CABIN1: variants seen among roughly 807,000 people sequenced by gnomAD.
CABIN1 encodes calcineurin binding protein 1, also known as calcineurin-binding protein cabin-1.
Under a neutral mutation model 227.7 loss-of-function variants are expected in CABIN1, and 133 were observed. The observed-to-expected ratio is 0.58, with a 90% CI of 0.51 to 0.67. The LOEUF is 0.67. CABIN1 is among the 30% of genes least tolerant of loss of function. The pLI, the probability that CABIN1 is intolerant of heterozygous loss-of-function variation, is 0.00. For missense variants in CABIN1, 2,408 were observed against 2,852.5 expected, an observed-to-expected ratio of 0.84 and a Z score of 3.55; for synonymous variants, 1,086 against 1,155.1, an observed-to-expected ratio of 0.94 and a Z score of 1.21.
At position 24,072,528 on chromosome 22, in the gene CABIN1, G is replaced by A. The variant is rs375664210; in HGVS notation, c.2632+18G>A. The A allele has an allele frequency of 7.9e-5, 127 of 1,613,896 alleles. No individual in the cohort carries two copies. The highest frequency in any genetic ancestry group is 1.1e-4 in the Non-Finnish European group (125 of 1,179,996). On this transcript the variant is annotated intron_variant, in intron 18 of 36. Transcript: ENST00000263119. ...GGAGGAAGGTGCACAGGCAGTGGGT[G>A]CAGTGGGGATGAGCTCTGACTCCCA... is the stretch of plus-strand genomic sequence containing the variant.
chr22:24,087,373 C>G, intron 22 of CABIN1, 79 bp from the exon 23 acceptor site: 1 of 1,580,288 alleles, frequency 6.3e-7, no homozygotes, highest in South Asian at 1.1e-5. Flanking sequence ...GGTCCATCTG[C>G]CTGTCCACTA....
Position 24,076,149 on chromosome 22 carries a change from T to G in CABIN1, c.2633-20T>G, listed in dbSNP as rs761598967. 1.9e-6 allele frequency: 3 copies of G among 1,599,364 alleles called. No individual in the cohort carries two copies. In the South Asian group the frequency reaches 3.3e-5, roughly 18 times the overall value. On this transcript the variant is annotated intron_variant, in intron 18 of 36. Transcript: ENST00000263119. ...GGTTCCCACACTAACTCTGTGTCTG[T>G]CGGCCTGGGCTTTCCCTAGGGATGT...
At position 24,119,580 on chromosome 22, in the gene CABIN1, G is replaced by A. The variant is rs1428169514; in HGVS notation, c.4514G>A (p.Arg1505Gln). The change falls in exon 28 of 37, where the codon CGG becomes CAG. Residue 1505 changes from arginine (R) to glutamine (Q), a missense_variant. Transcript: ENST00000263119. ...QGLPAGAEEQ[R>Q]QFLTEQCIAS... ...CTGCCGGCTGGTGCTGAGGAGCAGCGGCAGTTTCTCACAGAGCAGTGCATC... is the reference window on the plus strand; with the variant it reads ...CTGCCGGCTGGTGCTGAGGAGCAGCAGCAGTTTCTCACAGAGCAGTGCATC... The A allele has an allele frequency of 3.7e-6, 6 of 1,613,382 alleles. No homozygotes were observed. In the African/African-American group the frequency reaches 4.0e-5, roughly 11 times the overall value.
intron 1 of CABIN1, among the ~76,000 whole-genome samples, chr22:24,027,740 A>G (rs1569086382): frequency 6.6e-6 from 1 of 152,204 alleles, no homozygotes; most frequent in Non-Finnish European, 1.5e-5. Flanking sequence ...TCTGCCTTCC[A>G]CCACGCAGTG....
At chr22:24,164,666 C>A in intron 30 of CABIN1, 103 bp downstream of exon 30, 1 of 1,326,792 alleles carries the variant, frequency 7.5e-7, no homozygotes, top group Non-Finnish European at 1.0e-6. Context: ...GTGAGGACCA[C>A]TGGCTGGGAG....
At chr22:24,070,481 G>T (rs1188973478) in intron 16 of CABIN1, among the ~76,000 whole-genome samples, 2 of 152,226 alleles carry the variant, frequency 1.3e-5, no homozygotes, top group East Asian at 3.8e-4. Context: ...ACAGGTGTTG[G>T]GGTGCCTGTC....
intron 12 of CABIN1, among the ~76,000 whole-genome samples, 174 bp downstream of exon 12, chr22:24,060,315 A>C (rs1322407726): frequency 6.6e-6 from 1 of 152,130 alleles, no homozygotes; most frequent in Admixed American, 6.5e-5. Context: ...TTGTGCCTAG[A>C]AAGCTCCCTG....
intron 29 of CABIN1, among the ~76,000 whole-genome samples, chr22:24,157,311 G>T (rs779893883): frequency 7.9e-5 from 12 of 152,194 alleles, no homozygotes; most frequent in Non-Finnish European, 1.5e-4. Flanking sequence ...GGAGCTGCTG[G>T]TCTGGAAACT....
chr22:24,068,566 G>A (rs1980279922), intron 16 of CABIN1, among the ~76,000 whole-genome samples: 1 of 152,222 alleles, frequency 6.6e-6, no homozygotes, highest in African/African-American at 2.4e-5. Context: ...GCCGAATGCT[G>A]TGGAAGCTCC....
intron 29 of CABIN1, among the ~76,000 whole-genome samples, chr22:24,162,976 C>G (rs2046243103): frequency 6.6e-6 from 1 of 152,114 alleles, no homozygotes; most frequent in Admixed American, 6.5e-5. Context: ...CAGTGTCTGC[C>G]CATTCTGGTG....
intron 16 of CABIN1, among the ~76,000 whole-genome samples, chr22:24,068,810 CTG>C (rs2039877803): frequency 6.6e-6 from 1 of 152,122 alleles, no homozygotes; most frequent in Non-Finnish European, 1.5e-5. Flanking sequence ...TCATGGTTCA[CTG>C]TGTTTTTTGT....
intron 25 of CABIN1, among the ~76,000 whole-genome samples, chr22:24,096,804 A>T (rs1937310575): frequency 6.6e-6 from 1 of 152,232 alleles, no homozygotes; most frequent in Admixed American, 6.5e-5. Flanking sequence ...CAGCTTGCCC[A>T]CATGGGAGCC....
chr22:24,157,267 A>G (rs1473851682), intron 29 of CABIN1, among the ~76,000 whole-genome samples: 1 of 152,172 alleles, frequency 6.6e-6, no homozygotes, highest in African/African-American at 2.4e-5. Context: ...GGGAGGGGCC[A>G]GACCCTCAGC....
intron 15 of CABIN1, among the ~76,000 whole-genome samples, chr22:24,064,726 G>C (rs531870074): frequency 6.8e-4 from 103 of 152,062 alleles, no homozygotes; most frequent in African/African-American, 2.4e-3. Context: ...CTCTTAACGA[G>C]CATGCTGCCT....
chr22:24,042,817 A>ACT lies in CABIN1; in HGVS notation c.346-86_346-85dup, dbSNP rs1555912418. ...GGGTGCATATTCAAGGAGAGATCTGACTGTGTGTGTGTGTGTGTGTGTGTG... is the reference window on the plus strand; with the variant it reads ...GGGTGCATATTCAAGGAGAGATCTGACTCTGTGTGTGTGTGTGTGTGTGTGTG... On this transcript the variant is annotated intron_variant, in intron 5 of 36. Transcript: ENST00000263119. The ACT allele has an allele frequency of 2.9e-3, 1,690 of 576,914 alleles. 14 individuals are homozygous for ACT. The highest frequency in any genetic ancestry group is 0.024 in the East Asian group (495 of 20,420). The allele number at this position is 576,914 out of a possible 1,614,324, so 35.7% of individuals were successfully genotyped here. A position where few individuals can be genotyped will look rare whatever the true frequency, so the allele number is the denominator to read the frequency against.
chr22:24,035,536 T>G lies in CABIN1; in HGVS notation c.3+16T>G, dbSNP rs747054795. On this transcript the variant is annotated intron_variant, in intron 2 of 36. Transcript: ENST00000263119. ...TCTGAATATGGTAAGGACTGATGCC[T>G]GCCTATTTTGCGGACCTCAGTGTTC... 9.9e-6 allele frequency: 16 copies of G among 1,614,040 alleles called. No individual in the cohort carries two copies. The African/African-American group carries it at 1.5e-4, about 15-fold the overall frequency.
chr22:24,025,395 G>T (rs971219246), intron 1 of CABIN1, among the ~76,000 whole-genome samples: 1 of 152,004 alleles, frequency 6.6e-6, no homozygotes, highest in African/African-American at 2.4e-5. Context: ...TGAAAACATC[G>T]ATAGCCTGAG....
intron 28 of CABIN1, among the ~76,000 whole-genome samples, chr22:24,119,996 T>C (rs184427163): frequency 3.3e-5 from 5 of 152,270 alleles, no homozygotes; most frequent in South Asian, 2.1e-4. Context: ...AACTACTCTT[T>C]CCTGTGAGGG....
chr22:24,121,640 G>T (rs567623329), intron 28 of CABIN1, among the ~76,000 whole-genome samples: 151 of 152,358 alleles, frequency 9.9e-4, no homozygotes, highest in African/African-American at 3.4e-3. Context: ...TTGGGCCTGA[G>T]GGGCAATGGC....
Sources: gnomAD v4.1 joint callset for allele counts (sites outside exome capture counted in the v4.1 genomes callset) on GRCh38, gnomAD v4.1.1 for gene constraint, MANE v1.5 for transcripts, NCBI Gene and HGNC (gene_info 2026-07-23, HGNC 2026-07-21) for gene names.